ZFHX3: variants seen among roughly 807,000 people sequenced by gnomAD.
ZFHX3 encodes zinc finger homeobox 3.
In ZFHX3, 42 loss-of-function variants were observed where a neutral mutation model predicts 279.1. The ratio of observed to expected loss-of-function variants is 0.15; its 90% CI spans 0.12 to 0.19. ZFHX3 has a LOEUF of 0.19. Among genes scored for constraint, ZFHX3 ranks in the 10% least tolerant of loss-of-function variants. The probability of loss-of-function intolerance (pLI) is 1.00; values close to 1 mark genes in which losing one functional copy is unlikely to be tolerated. For missense variants in ZFHX3, 4,981 were observed against 4,754.0 expected, an observed-to-expected ratio of 1.05 and a Z score of -1.40; for synonymous variants, 2,293 against 1,957.8, an observed-to-expected ratio of 1.17 and a Z score of -4.52.
intron 2 of ZFHX3, among the ~76,000 whole-genome samples, chr16:73,541,989 A>T (rs1380896160): frequency 6.6e-6 from 1 of 150,860 alleles, no homozygotes; most frequent in Admixed American, 6.6e-5. Context: ...TTTAGTAGAG[A>T]CGGGGTTTCA....
chr16:73,561,493 T>C (rs1282281718), intron 2 of ZFHX3, among the ~76,000 whole-genome samples: 1 of 152,154 alleles, frequency 6.6e-6, no homozygotes, highest in African/African-American at 2.4e-5. Context: ...TTAAAAACAG[T>C]TTAATTACTT....
intron 1 of ZFHX3, among the ~76,000 whole-genome samples, chr16:73,884,846 A>T (rs962479063): frequency 6.6e-6 from 1 of 152,196 alleles, no homozygotes; most frequent in Non-Finnish European, 1.5e-5. Flanking sequence ...ATAGTCATCT[A>T]TTGTTTATTG....
chr16:73,850,998 CT>C (rs764291272), intron 1 of ZFHX3, among the ~76,000 whole-genome samples: 5 of 152,142 alleles, frequency 3.3e-5, no homozygotes, highest in East Asian at 1.9e-4. Flanking sequence ...TTATTTTATC[CT>C]TTTTTTCCCC....
intron 4 of ZFHX3, among the ~76,000 whole-genome samples, chr16:73,265,557 G>A (rs2013952144): frequency 6.6e-6 from 1 of 152,150 alleles, no homozygotes; most frequent in Non-Finnish European, 1.5e-5. Context: ...GCAGTTTGGA[G>A]CAAAGTGGTT....
At chr16:73,787,724 G>C (rs1249218009) in intron 1 of ZFHX3, among the ~76,000 whole-genome samples, 1 of 152,104 alleles carries the variant, frequency 6.6e-6, no homozygotes, top group East Asian at 1.9e-4. Context: ...ATCATAAGAA[G>C]TGACTTCATA....
chr16:72,952,120 T>C (rs1727891510), intron 2 of ZFHX3, among the ~76,000 whole-genome samples: 1 of 152,192 alleles, frequency 6.6e-6, no homozygotes, highest in Admixed American at 6.5e-5. Flanking sequence ...CGTGTGCCTG[T>C]AGTTCCAGTA....
chr16:73,872,339 T>C (rs952869067), intron 1 of ZFHX3, among the ~76,000 whole-genome samples: 17 of 152,094 alleles, frequency 1.1e-4, no homozygotes, highest in Non-Finnish European at 1.8e-4. Flanking sequence ...CCTCCCAGGC[T>C]CTTAGCCTCC....
intron 8 of ZFHX3, among the ~76,000 whole-genome samples, chr16:73,073,581 C>A (rs751378421): frequency 6.6e-6 from 1 of 152,200 alleles, no homozygotes; most frequent in Non-Finnish European, 1.5e-5. Context: ...TCACTGCAAC[C>A]TCCACCTCCT....
intron 4 of ZFHX3, among the ~76,000 whole-genome samples, chr16:72,840,818 C>T (rs1219815900): frequency 6.6e-6 from 1 of 152,168 alleles, no homozygotes; most frequent in Non-Finnish European, 1.5e-5. Flanking sequence ...GATCATAAGC[C>T]ACTAATATGC....
At chr16:73,384,218 C>T (rs891063155) in intron 3 of ZFHX3, among the ~76,000 whole-genome samples, 7 of 152,236 alleles carry the variant, frequency 4.6e-5, no homozygotes, top group African/African-American at 1.7e-4. Flanking sequence ...TGGAACACTG[C>T]CACACCCCTG....
intron 4 of ZFHX3, among the ~76,000 whole-genome samples, chr16:72,860,084 C>T (rs1314372563): frequency 6.6e-6 from 1 of 152,176 alleles, no homozygotes; most frequent in Non-Finnish European, 1.5e-5. Context: ...GTACAACACT[C>T]CCTCAGCGTT....
At chr16:73,591,172 G>A (rs2051991055) in intron 2 of ZFHX3, among the ~76,000 whole-genome samples, 1 of 150,970 alleles carries the variant, frequency 6.6e-6, no homozygotes, top group Admixed American at 6.6e-5. Flanking sequence ...CCAACATGGT[G>A]AAACCCTGTT....
chr16:73,371,963 A>G (rs962729026), intron 3 of ZFHX3, among the ~76,000 whole-genome samples: 1 of 152,226 alleles, frequency 6.6e-6, no homozygotes, highest in African/African-American at 2.4e-5. Context: ...CCTAAACATC[A>G]GTGCTGCGTT....
intron 8 of ZFHX3, among the ~76,000 whole-genome samples, chr16:73,069,118 C>G (rs972713224): frequency 2.0e-5 from 3 of 152,222 alleles, no homozygotes; most frequent in African/African-American, 7.2e-5. Context: ...GCCAGGCCCA[C>G]ACGGAGAGGT....
chr16:72,908,580 G>C (rs1372063458), intron 3 of ZFHX3, among the ~76,000 whole-genome samples: 1 of 152,120 alleles, frequency 6.6e-6, no homozygotes, highest in African/African-American at 2.4e-5. Context: ...GGTTTTTCTG[G>C]GGAAGAACCT....
intron 1 of ZFHX3, among the ~76,000 whole-genome samples, chr16:73,832,697 G>T (rs1961031059): frequency 6.6e-6 from 1 of 152,090 alleles, no homozygotes; most frequent in South Asian, 2.1e-4. Flanking sequence ...ACAGGCATGA[G>T]CCACCATATT....
chr16:73,323,954 C>G (rs118013268), intron 3 of ZFHX3, among the ~76,000 whole-genome samples: 2 of 152,204 alleles, frequency 1.3e-5, no homozygotes, highest in Non-Finnish European at 2.9e-5. Flanking sequence ...ATCAAAGAAA[C>G]CTTCCATGGG....
At chr16:73,423,126 A>G (rs563986844) in intron 3 of ZFHX3, among the ~76,000 whole-genome samples, 10 of 152,298 alleles carry the variant, frequency 6.6e-5, no homozygotes, top group African/African-American at 2.2e-4. Flanking sequence ...ATCCAGTCCC[A>G]TTCTGAGATA....
At chr16:73,626,413 A>G (rs887119226) in intron 2 of ZFHX3, among the ~76,000 whole-genome samples, 1 of 152,112 alleles carries the variant, frequency 6.6e-6, no homozygotes, top group Non-Finnish European at 1.5e-5. Flanking sequence ...AAATTTTCAT[A>G]GGAAATTTGT....
Sources: gnomAD v4.1 joint callset for allele counts (sites outside exome capture counted in the v4.1 genomes callset) on GRCh38, gnomAD v4.1.1 for gene constraint, MANE v1.5 for transcripts, NCBI Gene and HGNC (gene_info 2026-07-23, HGNC 2026-07-21) for gene names.